Variants in RABGAP1L observed in about 807,000 individuals in gnomAD.
The protein encoded by RABGAP1L is rab GTPase-activating protein 1-like.
Under a neutral mutation model 137.7 loss-of-function variants are expected in RABGAP1L, and 63 were observed. That is an observed-to-expected ratio of 0.46 (90% CI 0.37 to 0.56). The LOEUF is 0.56. Ranked by LOEUF, RABGAP1L falls within the 20% of genes least tolerant of loss-of-function variation. The pLI is 0.00. For missense variants in RABGAP1L, 1,095 were observed against 1,244.0 expected (o/e 0.88, Z 1.80); for synonymous variants, 431 against 433.7 (o/e 0.99, Z 0.08).
chr1:174,363,393 A>G (rs1161152672), intron 11 of RABGAP1L, among the ~76,000 whole-genome samples: 1 of 152,156 alleles, frequency 6.6e-6, no homozygotes, highest in South Asian at 2.1e-4. Context: ...CATTTTCACA[A>G]TATTGCTTCT....
At chr1:174,499,721 G>A (rs552111588) in intron 13 of RABGAP1L, among the ~76,000 whole-genome samples, 1 of 152,274 alleles carries the variant, frequency 6.6e-6, no homozygotes, top group African/African-American at 2.4e-5. Context: ...CACTTATTGA[G>A]GGTTGGTAAA....
At chr1:174,418,338 T>C (rs939586104) in intron 13 of RABGAP1L, among the ~76,000 whole-genome samples, 3 of 152,248 alleles carry the variant, frequency 2.0e-5, no homozygotes, top group African/African-American at 4.8e-5. Flanking sequence ...GAATGATTTT[T>C]TACCATATAA....
chr1:174,433,478 A>T (rs1161722694), intron 13 of RABGAP1L, among the ~76,000 whole-genome samples: 3 of 152,170 alleles, frequency 2.0e-5, no homozygotes, highest in African/African-American at 7.2e-5. Context: ...TTTCTTTATG[A>T]TCGAGAAACA....
chr1:174,524,929 C>T lies in RABGAP1L; in HGVS notation c.1711-112446C>T, dbSNP rs551724660. ...TTTTCCCAGCATATGTTCTTGGTGCCTTTGTCAAAAATCAGTTAGTTGTAA... is the reference window on the plus strand; with the variant it reads ...TTTTCCCAGCATATGTTCTTGGTGCTTTTGTCAAAAATCAGTTAGTTGTAA... On this transcript the variant is annotated intron_variant, in intron 13 of 25. Transcript: ENST00000681986. 4.6e-5 allele frequency among the ~76,000 whole-genome samples: 7 copies of T among 152,058 alleles called. 1 individual carries two copies. In the South Asian group the frequency reaches 1.2e-3, roughly 27 times the overall value.
intron 11 of RABGAP1L, among the ~76,000 whole-genome samples, chr1:174,346,490 A>G (rs929069460): frequency 6.6e-6 from 1 of 152,092 alleles, no homozygotes; most frequent in Non-Finnish European, 1.5e-5. Context: ...GTGTCTGGGA[A>G]TTTATCCATT....
chr1:174,363,551 A>G (rs1012244820), intron 11 of RABGAP1L, among the ~76,000 whole-genome samples: 4 of 152,020 alleles, frequency 2.6e-5, no homozygotes, highest in Admixed American at 6.6e-5. Context: ...TTTCTCTTGT[A>G]TGACTGCTTT....
At chr1:174,357,772 G>A (rs535014888) in intron 11 of RABGAP1L, among the ~76,000 whole-genome samples, 2 of 152,284 alleles carry the variant, frequency 1.3e-5, no homozygotes, top group East Asian at 1.9e-4. Context: ...GTAAAGAAAA[G>A]TATACATTTA....
At chr1:174,652,544 C>G (rs932489200) in intron 14 of RABGAP1L, among the ~76,000 whole-genome samples, 17 of 152,184 alleles carry the variant, frequency 1.1e-4, no homozygotes, top group African/African-American at 4.1e-4. Context: ...TAGTTTTCCT[C>G]TAACAGGCCC....
chr1:174,736,417 C>G (rs996967646), intron 17 of RABGAP1L, among the ~76,000 whole-genome samples: 4 of 152,254 alleles, frequency 2.6e-5, no homozygotes, highest in Non-Finnish European at 4.4e-5. Flanking sequence ...GGCAGCTCTG[C>G]CCCTGTGGCT....
chr1:174,873,800 C>T (rs181365958), intron 19 of RABGAP1L, among the ~76,000 whole-genome samples: 4 of 152,222 alleles, frequency 2.6e-5, no homozygotes, highest in East Asian at 3.9e-4. Context: ...TGAGCCACTG[C>T]GCCCGGTGAG....
chr1:174,677,219 G>A (rs1677704925), intron 14 of RABGAP1L, among the ~76,000 whole-genome samples: 1 of 151,822 alleles, frequency 6.6e-6, no homozygotes, highest in Non-Finnish European at 1.5e-5. Flanking sequence ...CTATTTGGGA[G>A]GCTAAGGTGG....
rs146343254 is a variant in RABGAP1L, at chr1:174,248,320, G to T, written c.718-2155G>T. ...TAGACTAATACTTGGTATGCAGAAG[G>T]TGCTCAAATAATATTTGTTGAATGA... On this transcript the variant is annotated intron_variant, in intron 5 of 25. Coordinates refer to ENST00000681986, the MANE Select transcript of RABGAP1L (RefSeq NM_001366446.1). Among the ~76,000 whole-genome samples, 117 of 152,296 alleles carry T rather than the reference G, an allele frequency of 7.7e-4. 2 individuals are homozygous for T. In the East Asian group the frequency reaches 0.018, roughly 23 times the overall value.
At chr1:174,296,073 C>G (rs1014412065) in intron 10 of RABGAP1L, among the ~76,000 whole-genome samples, 1 of 152,106 alleles carries the variant, frequency 6.6e-6, no homozygotes, top group African/African-American at 2.4e-5. Context: ...AAGGATAACA[C>G]AGATCTGGGG....
chr1:174,162,771 C>CT (rs1664584682), intron 1 of RABGAP1L, among the ~76,000 whole-genome samples: 9 of 40,784 alleles, frequency 2.2e-4, no homozygotes, highest in East Asian at 8.9e-4. Context: ...TTTTTTTTCT[C>CT]TTTCTGTTTT....
chr1:174,886,810 TTC>T (rs1418885424), intron 19 of RABGAP1L, among the ~76,000 whole-genome samples: 12 of 107,620 alleles, frequency 1.1e-4, no homozygotes, highest in Admixed American at 9.8e-4. Context: ...CACCATTTAA[TTC>T]TTTTTTTTTT....
intron 12 of RABGAP1L, among the ~76,000 whole-genome samples, chr1:174,372,884 A>T (rs1292818409): frequency 6.6e-6 from 1 of 152,164 alleles, no homozygotes; most frequent in Non-Finnish European, 1.5e-5. Context: ...CCATTATGTT[A>T]TATATGTTGA....
rs1658710103 is a variant in RABGAP1L at position 174,478,230 on chromosome 1, T to A, written c.1710+84085T>A. On this transcript the variant is annotated intron_variant, in intron 13 of 25. Coordinates refer to ENST00000681986, the MANE Select transcript of RABGAP1L (RefSeq NM_001366446.1). ...AATTCAAGGGGACTATCTCTTAACT[T>A]TTTTTTCCTGTTTTTGTTGTTGTTG... Among the ~76,000 whole-genome samples, 4 of 152,020 alleles carry A rather than the reference T, an allele frequency of 2.6e-5. No homozygotes were observed. The South Asian group carries it at 8.3e-4, about 32-fold the overall frequency.
At chr1:174,265,491 C>G (rs980445356) in intron 7 of RABGAP1L, among the ~76,000 whole-genome samples, 3 of 147,144 alleles carry the variant, frequency 2.0e-5, no homozygotes, top group African/African-American at 5.1e-5. Flanking sequence ...GGTTGCAGAG[C>G]TGAGATTGTG....
Position 174,861,068 on chromosome 1 carries a change from T to A in RABGAP1L, c.2340+49108T>A, listed in dbSNP as rs145743042. The stretch of plus-strand genomic sequence containing the variant: ...GAACTTTGTCATCTTATAACTGAAA[T>A]TTGGGCCCTTTGAGCAACATCTCTC... On this transcript the variant is annotated intron_variant, in intron 19 of 25. Coordinates refer to ENST00000681986, the MANE Select transcript of RABGAP1L (RefSeq NM_001366446.1). 6.9e-4 allele frequency among the ~76,000 whole-genome samples: 105 copies of A among 152,298 alleles called. 1 individual carries two copies. The highest frequency in any genetic ancestry group is 2.4e-3 in the African/African-American group (100 of 41,572).
Sources: allele counts gnomAD v4.1 joint callset (sites outside exome capture counted in the v4.1 genomes callset), GRCh38; gene constraint gnomAD v4.1.1; transcripts MANE v1.5; gene names NCBI Gene and HGNC (gene_info 2026-07-23, HGNC 2026-07-21).